The following MYH9 variants were observed in gnomAD, a reference collection of about 807,000 sequenced individuals.
The protein encoded by MYH9 is myosin-9.
A neutral mutation model predicts 241.9 loss-of-function variants in MYH9; 29 were observed. The observed-to-expected ratio is 0.12, with a 90% CI of 0.09 to 0.16. The LOEUF (loss-of-function observed/expected upper bound fraction) is 0.16. Among genes scored for constraint, MYH9 ranks in the 10% least tolerant of loss-of-function variants. MYH9 has a pLI of 1.00. For synonymous variants in MYH9, 1,047 were observed against 1,062.6 expected, an observed-to-expected ratio of 0.99 and a Z score of 0.29; for missense variants, 1,803 against 2,595.5, an observed-to-expected ratio of 0.69 and a Z score of 6.63.
chr22:36,387,156 C>G (rs968301072), intron 1 of MYH9, among the ~76,000 whole-genome samples: 5 of 152,210 alleles, frequency 3.3e-5, no homozygotes, highest in Non-Finnish European at 1.5e-5. Context: ...TCCGGGCAGC[C>G]GCCGCACCTC....
intron 18 of MYH9, among the ~76,000 whole-genome samples, chr22:36,304,579 C>A (rs374158300): frequency 6.6e-6 from 1 of 152,306 alleles, no homozygotes; most frequent in Non-Finnish European, 1.5e-5. Flanking sequence ...TTCAATCAAC[C>A]GGAACTCAGA....
intron 15 of MYH9, 123 bp downstream of exon 15, chr22:36,309,152 GCAGAGAC>G: frequency 1.2e-6 from 1 of 816,758 alleles, no homozygotes; most frequent in Admixed American, 2.0e-5. Flanking sequence ...GCTACAGAGG[GCAGAGAC>G]CACCTGGCCT....
At chr22:36,361,717 T>G (rs577775343) in intron 1 of MYH9, among the ~76,000 whole-genome samples, 26 of 152,194 alleles carry the variant, frequency 1.7e-4, no homozygotes, top group Non-Finnish European at 3.5e-4. Flanking sequence ...CATTTAGGAA[T>G]GTGGACTTTA....
intron 2 of MYH9, among the ~76,000 whole-genome samples, chr22:36,343,939 G>C (rs750433212): frequency 6.6e-5 from 10 of 152,216 alleles, no homozygotes; most frequent in Admixed American, 2.0e-4. Context: ...CCAAGGACAC[G>C]TGGTCGCACA....
chr22:36,286,134 A>G (rs985659322), intron 35 of MYH9, 181 bp from the exon 36 acceptor site: 4 of 649,562 alleles, frequency 6.2e-6, no homozygotes, highest in Non-Finnish European at 1.1e-5. Context: ...CTTAAACACC[A>G]TATGTTTATA....
chr22:36,320,111 CT>C lies in MYH9; in HGVS notation c.1012+108del. ...ATACACTGAAGGCCTTCCCCTTCCC[CT>C]GGCCTCTAGCAGGCTCCCCAGGCCC... is the stretch of plus-strand genomic sequence containing the variant. On this transcript the variant is annotated intron_variant, in intron 9 of 40. Transcript: ENST00000216181. This position sits in a 1 kb window ranked among gnomAD's most constrained non-coding sequence, Gnocchi z 4.8. 6.7e-7 allele frequency: 1 copy of C among 1,495,562 alleles called. No individual in the cohort carries two copies. The highest frequency in any genetic ancestry group is 9.2e-7 in the Non-Finnish European group (1 of 1,081,670). The allele number at this position is 1,495,562 out of a possible 1,614,324, so 92.6% of individuals were successfully genotyped here.
Position 36,296,826 on chromosome 22 carries a change from G to A in MYH9, c.3272+17C>T, listed in dbSNP as rs1876915821. The A allele has an allele frequency of 1.9e-6, 3 of 1,595,170 alleles. No individual in the cohort carries two copies. Among genetic ancestry groups the A allele is most frequent in the South Asian group, 1.1e-5 (1 of 90,264 alleles). On this transcript the variant is annotated intron_variant, in intron 25 of 40. Transcript: ENST00000216181. The stretch of plus-strand genomic sequence containing the variant: ...GCCCAGGCCACCTGGCCTCAGGCGG[G>A]CAGGCGGGGTCCTCACCTGGCCAGG...
intron 14 of MYH9, among the ~76,000 whole-genome samples, chr22:36,311,371 C>CT (rs1235075117): frequency 1.4e-4 from 21 of 152,264 alleles, no homozygotes; most frequent in African/African-American, 5.1e-4. Context: ...CCGCACCTCC[C>CT]CCCCCGAAAC....
rs758193934 is a variant in MYH9, at chr22:36,300,833, G to A, written c.2838+18C>T. The A allele has an allele frequency of 9.4e-6, 15 of 1,599,302 alleles. No homozygotes were observed. Among genetic ancestry groups the A allele is most frequent in the Non-Finnish European group, 1.3e-5 (15 of 1,179,854 alleles). ...GCCCCTCCGGCGCCACCCCTCCCCG[G>A]GTGCAGCGGGCAGGAACCTGGATGT... On this transcript the variant is annotated intron_variant, in intron 22 of 40. Transcript: ENST00000216181. This position sits in a 1 kb window ranked among gnomAD's most constrained non-coding sequence, Gnocchi z 5.0.
intron 1 of MYH9, among the ~76,000 whole-genome samples, chr22:36,363,178 G>A (rs984811764): frequency 5.3e-5 from 8 of 152,162 alleles, no homozygotes; most frequent in African/African-American, 1.9e-4. Flanking sequence ...AATTACCCTA[G>A]TATGAATTAC....
chr22:36,354,716 T>A (rs2146398747), intron 1 of MYH9, among the ~76,000 whole-genome samples: 1 of 152,156 alleles, frequency 6.6e-6, no homozygotes, highest in African/African-American at 2.4e-5. Context: ...AGTGCTGGGC[T>A]TACAGGCGTG....
rs114316256 is a variant in MYH9 at position 36,360,917 on chromosome 22, G to A, written c.-19-11662C>T. On this transcript the variant is annotated intron_variant, in intron 1 of 40. Transcript: ENST00000216181. ...ATCCTGCAGGCACCACCCAGGCCTCGGCTTTCCCACCTGCAAAATGTCCTA... is the reference window on the plus strand; with the variant it reads ...ATCCTGCAGGCACCACCCAGGCCTCAGCTTTCCCACCTGCAAAATGTCCTA... 6.4e-3 allele frequency among the ~76,000 whole-genome samples: 972 copies of A among 152,186 alleles called. 19 individuals are homozygous for A. The highest frequency in any genetic ancestry group is 0.023 in the African/African-American group (937 of 41,502).
intron 1 of MYH9, among the ~76,000 whole-genome samples, chr22:36,384,607 AAAAAATATATATATATAT>A (rs2018314879): frequency 3.4e-5 from 1 of 29,406 alleles, no homozygotes; most frequent in African/African-American, 1.1e-4. Context: ...AAAAAAAAAA[AAAAAATATATATATATAT>A]ATATATATAT....
At chr22:36,304,971 G>A (rs1391496403) in intron 18 of MYH9, 62 bp downstream of exon 18, 18 of 1,530,422 alleles carry the variant, frequency 1.2e-5, no homozygotes, top group South Asian at 4.5e-5. Flanking sequence ...CCCTGGCCAC[G>A]TGGGCACTCC....
chr22:36,323,653 G>A (rs975951784), intron 5 of MYH9, among the ~76,000 whole-genome samples: 12 of 152,088 alleles, frequency 7.9e-5, no homozygotes, highest in African/African-American at 1.9e-4. Context: ...GCAGGGCACC[G>A]GGGACACTCT....
chr22:36,358,118 G>A (rs1423021156), intron 1 of MYH9, among the ~76,000 whole-genome samples: 1 of 152,150 alleles, frequency 6.6e-6, no homozygotes, highest in African/African-American at 2.4e-5. Context: ...AGGCTGGAAT[G>A]CAGTGGCGTG....
At chr22:36,374,753 C>T (rs561901816) in intron 1 of MYH9, among the ~76,000 whole-genome samples, 1 of 152,288 alleles carries the variant, frequency 6.6e-6, no homozygotes, top group East Asian at 1.9e-4. Context: ...CTTCACGGGC[C>T]GTCTTGGCCT....
intron 24 of MYH9, among the ~76,000 whole-genome samples, chr22:36,297,712 C>T (rs17806447): frequency 0.021 from 3,157 of 152,338 alleles, 47 homozygotes; most frequent in Non-Finnish European, 0.029. Context: ...ATGTACCCGT[C>T]CTGCAGCTGG....
intron 1 of MYH9, among the ~76,000 whole-genome samples, chr22:36,354,885 G>A (rs2017827979): frequency 6.6e-6 from 1 of 151,072 alleles, no homozygotes; most frequent in Non-Finnish European, 1.5e-5. Flanking sequence ...CATTTGAGCA[G>A]GATGTACATG....
Sources: allele counts gnomAD v4.1 joint callset (sites outside exome capture counted in the v4.1 genomes callset), GRCh38; gene constraint gnomAD v4.1.1; non-coding constraint Gnocchi (gnomAD v3.1); transcripts MANE v1.5; gene names NCBI Gene and HGNC (gene_info 2026-07-23, HGNC 2026-07-21).